The following DACH2 variants were observed in gnomAD, a reference collection of about 807,000 sequenced individuals.
DACH2 encodes the protein dachshund family transcription factor 2.
In DACH2, 17 loss-of-function variants were observed where a neutral mutation model predicts 35.8. That is an observed-to-expected ratio of 0.48 (90% CI 0.33 to 0.71). The LOEUF (loss-of-function observed/expected upper bound fraction) is 0.71. DACH2 is among the 30% of genes least tolerant of loss of function. DACH2 has a pLI of 0.02. For synonymous variants in DACH2, 195 were observed against 177.3 expected (o/e 1.10, Z -0.79); for missense variants, 469 against 472.7 (o/e 0.99, Z 0.07).
In DACH2 at chrX:86,294,768, G is replaced by A. The variant is rs373526936; in HGVS notation, c.489-82056G>A. Among the ~76,000 whole-genome samples the A allele has an allele frequency of 4.3e-4, 47 of 109,917 alleles. No individual in the cohort carries two copies. The East Asian group carries it at 4.9e-3, about 12-fold the overall frequency. On this transcript the variant is annotated intron_variant, in intron 1 of 11. Coordinates refer to ENST00000373125, the MANE Select transcript of DACH2 (RefSeq NM_053281.3). ...GGTCAGGGACCCACTTGAGGAGGCA[G>A]TCTGCCCGTTCTCAGATCTCCAGCT...
chrX:86,630,000 C>T (rs2040182464), intron 3 of DACH2, among the ~76,000 whole-genome samples: 1 of 111,809 alleles, frequency 8.9e-6, no homozygotes, highest in South Asian at 3.7e-4. Context: ...TATCAATATA[C>T]AGCTTAAATT....
intron 3 of DACH2, among the ~76,000 whole-genome samples, chrX:86,574,464 A>C (rs1355456697): frequency 1.8e-5 from 2 of 111,041 alleles, no homozygotes; most frequent in African/African-American, 6.5e-5. Context: ...TTCACCTATA[A>C]ATATCCTTCA....
intron 1 of DACH2, among the ~76,000 whole-genome samples, chrX:86,167,700 A>G (rs1397252537): frequency 1.8e-5 from 2 of 110,735 alleles, no homozygotes; most frequent in Non-Finnish European, 3.8e-5. Context: ...CTTGCCTCTT[A>G]TTATTGCTTT....
intron 2 of DACH2, among the ~76,000 whole-genome samples, chrX:86,379,546 C>A (rs1289891444): frequency 9.1e-6 from 1 of 110,196 alleles, no homozygotes; most frequent in Non-Finnish European, 1.9e-5. Context: ...CACTGTTAAA[C>A]CTGCTTTAAT....
intron 2 of DACH2, among the ~76,000 whole-genome samples, chrX:86,446,224 G>C (rs2037272080): frequency 1.8e-5 from 2 of 108,807 alleles, no homozygotes; most frequent in Non-Finnish European, 3.8e-5. Flanking sequence ...TTCACTTTCA[G>C]GCTATGTTTG....
chrX:86,175,391 G>A (rs1285948095), intron 1 of DACH2, among the ~76,000 whole-genome samples: 1 of 111,770 alleles, frequency 8.9e-6, no homozygotes, highest in Non-Finnish European at 1.9e-5. Context: ...GGAATGAAAA[G>A]TTTGAGTGGC....
chrX:86,647,285 G>T (rs141138743), intron 3 of DACH2, among the ~76,000 whole-genome samples: 2,483 of 110,553 alleles, frequency 0.022, 66 homozygotes, highest in African/African-American at 0.077. Context: ...ACCAACAATG[G>T]ATGAATGGAT....
intron 7 of DACH2, among the ~76,000 whole-genome samples, chrX:86,806,695 A>G (rs1382872758): frequency 8.9e-6 from 1 of 112,114 alleles, no homozygotes; most frequent in Admixed American, 9.5e-5. Context: ...TCAGGTGTGG[A>G]TTACTCCACT....
chrX:86,308,759 G>T (rs1002241231), intron 1 of DACH2, among the ~76,000 whole-genome samples: 1 of 111,704 alleles, frequency 9.0e-6, no homozygotes, highest in Admixed American at 9.5e-5. Context: ...ATGATCAGAC[G>T]TTTGGGGACT....
chrX:86,734,446 G>A (rs1050135000), intron 6 of DACH2, among the ~76,000 whole-genome samples: 6 of 110,774 alleles, frequency 5.4e-5, no homozygotes, highest in African/African-American at 9.8e-5. Context: ...AGAGTATTGC[G>A]GATTCACTGT....
chrX:86,255,935 T>C (rs1378519984), intron 1 of DACH2, among the ~76,000 whole-genome samples: 1 of 110,966 alleles, frequency 9.0e-6, no homozygotes, highest in Non-Finnish European at 1.9e-5. Context: ...ACAACTTTGT[T>C]ATCATTTTAG....
intron 2 of DACH2, among the ~76,000 whole-genome samples, chrX:86,437,287 T>C (rs2037083274): frequency 9.0e-6 from 1 of 111,588 alleles, no homozygotes. Context: ...TTTCTATGTG[T>C]TGGGGACATT....
intron 6 of DACH2, among the ~76,000 whole-genome samples, chrX:86,722,965 G>GC (rs1341596566): frequency 9.0e-6 from 1 of 111,192 alleles, no homozygotes; most frequent in Non-Finnish European, 1.9e-5. Flanking sequence ...GCTTTATTTT[G>GC]TTTGATGGTT....
intron 7 of DACH2, among the ~76,000 whole-genome samples, chrX:86,763,619 G>GT (rs1447579689): frequency 1.8e-5 from 2 of 110,700 alleles, no homozygotes; most frequent in Admixed American, 9.6e-5. Context: ...ACGCCCGGCT[G>GT]TTTTTTGTAT....
At chrX:86,153,415 C>T (rs1451966627) in intron 1 of DACH2, among the ~76,000 whole-genome samples, 1 of 110,942 alleles carries the variant, frequency 9.0e-6, no homozygotes, top group Non-Finnish European at 1.9e-5. Flanking sequence ...TATGAGCGCT[C>T]AATGAGTTTG....
chrX:86,564,048 A>G (rs752803143), intron 3 of DACH2, among the ~76,000 whole-genome samples: 1 of 110,889 alleles, frequency 9.0e-6, no homozygotes, highest in Non-Finnish European at 1.9e-5. Context: ...GTGACATTCA[A>G]GAGCAGCCAA....
intron 1 of DACH2, among the ~76,000 whole-genome samples, chrX:86,302,405 G>C (rs2034591721): frequency 8.9e-6 from 1 of 111,781 alleles, no homozygotes; most frequent in South Asian, 3.6e-4. Context: ...GAATTATAGA[G>C]AATTAATTGT....
intron 7 of DACH2, among the ~76,000 whole-genome samples, chrX:86,743,711 A>G (rs1391273514): frequency 1.8e-5 from 2 of 111,306 alleles, no homozygotes; most frequent in African/African-American, 3.3e-5. Context: ...TCCTTGCCAC[A>G]TGTTTTGTCT....
intron 1 of DACH2, among the ~76,000 whole-genome samples, 161 bp downstream of exon 1, chrX:86,149,269 C>A (rs1188666260): frequency 9.0e-6 from 1 of 111,615 alleles, no homozygotes; most frequent in Admixed American, 9.5e-5. Context: ...TAGAAGCTTT[C>A]ATTAATGCTG....
Sources: allele counts gnomAD v4.1 joint callset (sites outside exome capture counted in the v4.1 genomes callset), GRCh38; gene constraint gnomAD v4.1.1; transcripts MANE v1.5; gene names NCBI Gene and HGNC (gene_info 2026-07-23, HGNC 2026-07-21).